KIAA0586: variants seen among roughly 807,000 people sequenced by gnomAD.
KIAA0586 encodes the protein protein TALPID3.
In KIAA0586, 144 loss-of-function variants were observed where a neutral mutation model predicts 169.8. That is an observed-to-expected ratio of 0.85 (90% CI 0.74 to 0.97). The LOEUF is 0.97. Ranked by LOEUF, KIAA0586 falls within the 50% of genes least tolerant of loss-of-function variation. The pLI is 0.00. For missense variants in KIAA0586, 1,854 were observed against 1,823.0 expected (o/e 1.02, Z -0.31); for synonymous variants, 625 against 612.4 (o/e 1.02, Z -0.30).
rs374564568 is a variant in KIAA0586 at position 58,438,030 on chromosome 14, A to G, written c.411-4676A>G. ...AAGTGTGATATGCTGCTCCGAGGTA[A>G]TGGAAGCTAAGTACTGAAAAATACA... On this transcript the variant is annotated intron_variant, in intron 4 of 30. Transcript: ENST00000652326. Among the ~76,000 whole-genome samples the G allele has an allele frequency of 3.0e-4, 45 of 152,318 alleles. No homozygotes were observed. In the South Asian group the frequency reaches 8.7e-3, roughly 29 times the overall value.
intron 28 of KIAA0586, among the ~76,000 whole-genome samples, chr14:58,511,520 C>T (rs558061718): frequency 9.0e-4 from 137 of 152,264 alleles, no homozygotes; most frequent in African/African-American, 3.1e-3. Flanking sequence ...AGCTCTTATT[C>T]GCTGTGAGTA....
chr14:58,515,003 T>C (rs1189596946), intron 29 of KIAA0586, among the ~76,000 whole-genome samples: 1 of 152,080 alleles, frequency 6.6e-6, no homozygotes, highest in Non-Finnish European at 1.5e-5. Flanking sequence ...TATAAAGTAA[T>C]GTATTAAAAT....
intron 26 of KIAA0586, 70 bp downstream of exon 26, chr14:58,492,345 T>C: frequency 7.2e-7 from 1 of 1,387,622 alleles, no homozygotes; most frequent in Non-Finnish European, 9.7e-7. Flanking sequence ...ATATTCTTAC[T>C]ACTAGTTAAA....
At chr14:58,498,525 TATTTA>T (rs1181598806) in intron 26 of KIAA0586, among the ~76,000 whole-genome samples, 1 of 152,200 alleles carries the variant, frequency 6.6e-6, no homozygotes, top group African/African-American at 2.4e-5. Context: ...ATTTTATTGC[TATTTA>T]ATTGGTGCTT....
intron 15 of KIAA0586, among the ~76,000 whole-genome samples, 169 bp downstream of exon 15, chr14:58,466,198 G>C (rs1034384330): frequency 3.9e-5 from 6 of 152,142 alleles, no homozygotes; most frequent in Non-Finnish European, 8.8e-5. Flanking sequence ...TTACAGGCGT[G>C]AGGCACCGTG....
intron 4 of KIAA0586, among the ~76,000 whole-genome samples, chr14:58,439,196 T>C (rs1471290728): frequency 6.6e-6 from 1 of 150,480 alleles, no homozygotes; most frequent in African/African-American, 2.5e-5. Flanking sequence ...TTTTTCTTTC[T>C]TTTTTTTTGA....
intron 29 of KIAA0586, among the ~76,000 whole-genome samples, chr14:58,517,665 G>T (rs541648895): frequency 6.6e-6 from 1 of 152,204 alleles, no homozygotes; most frequent in South Asian, 2.1e-4. Flanking sequence ...CACAAAACCT[G>T]TACTCAAAAC....
rs767722181 is a variant in KIAA0586 at position 58,482,532 on chromosome 14, C to T, written c.2964C>T (p.Gly988=). ...TTTTAGTGGAAGGAACAAGCAGTGG[C>T]GCCCTCCAGCTTTTTGTTGATGCTG... ...TSDIVEGTSS[G]ALQLFVDAGV... The change falls in exon 21 of 31, where the codon GGC becomes GGT. Residue 988 remains glycine (G), a synonymous_variant. Coordinates refer to ENST00000652326, the MANE Select transcript of KIAA0586 (RefSeq NM_001329943.3). 8.7e-5 allele frequency: 134 copies of T among 1,536,250 alleles called. No homozygotes were observed. Among genetic ancestry groups the T allele is most frequent in the Non-Finnish European group, 9.1e-5 (103 of 1,138,114 alleles).
At chr14:58,481,784 A>G (rs1346281658) in intron 20 of KIAA0586, among the ~76,000 whole-genome samples, 2 of 32,868 alleles carry the variant, frequency 6.1e-5, no homozygotes, top group African/African-American at 2.4e-4. Context: ...ACCCACCCCC[A>G]TACACGTATA....
rs540046520 is a variant in KIAA0586, at chr14:58,465,395, CATT to C, written c.2060-439_2060-437del. ...TGGAAAAAAATTTAAAGAATTCAAA[CATT>C]GTTGGAATATTCTTCAGAATCTTTA... On this transcript the variant is annotated intron_variant, in intron 14 of 30. Transcript: ENST00000652326. Among the ~76,000 whole-genome samples, 29 of 152,242 alleles carry C rather than the reference CATT, an allele frequency of 1.9e-4. 1 individual carries two copies. The highest frequency in any genetic ancestry group is 7.0e-4 in the African/African-American group (29 of 41,538).
chr14:58,480,727 G>A (rs2041976916), intron 20 of KIAA0586, among the ~76,000 whole-genome samples: 1 of 152,048 alleles, frequency 6.6e-6, no homozygotes, highest in Admixed American at 6.6e-5. Flanking sequence ...CTATATCCCA[G>A]CTTCATAGAG....
chr14:58,545,054 G>T (rs1045562867), intron 30 of KIAA0586, among the ~76,000 whole-genome samples: 1 of 152,114 alleles, frequency 6.6e-6, no homozygotes, highest in African/African-American at 2.4e-5. Context: ...TGAGGATGAG[G>T]ACTCTGTCTT....
chr14:58,457,800 A>G lies in KIAA0586; in HGVS notation c.1404A>G (p.Pro468=), dbSNP rs1273708402. 6.2e-7 allele frequency: 1 copy of G among 1,606,596 alleles called. No homozygotes were observed. The highest frequency in any genetic ancestry group is 1.1e-5 in the South Asian group (1 of 89,728). Residue 468 remains proline (P), a synonymous_variant, in exon 11 of 31, where the codon CCA becomes CCG. Coordinates refer to ENST00000652326, the MANE Select transcript of KIAA0586 (RefSeq NM_001329943.3). ...SLSMLKLPDL[P]QNSVKLQTTN... ...GTATGTTGAAGCTTCCAGATCTTCC[A>G]CAGAATTCTGTTAAGCTTCAAACAA...
At chr14:58,543,141 A>G (rs1451904632) in intron 30 of KIAA0586, among the ~76,000 whole-genome samples, 2 of 151,388 alleles carry the variant, frequency 1.3e-5, no homozygotes, top group Non-Finnish European at 2.9e-5. Flanking sequence ...CAAAAAAAAA[A>G]AAAAAAGAAA....
chr14:58,487,206 A>C (rs966261167), intron 22 of KIAA0586, 40 bp downstream of exon 22: 7 of 1,529,208 alleles, frequency 4.6e-6, no homozygotes, highest in Non-Finnish European at 6.3e-6. Context: ...TAATTTTAGC[A>C]ACTATTAAAT....
chr14:58,449,875 A>G (rs1248157108), intron 7 of KIAA0586, among the ~76,000 whole-genome samples: 1 of 151,946 alleles, frequency 6.6e-6, no homozygotes, highest in Admixed American at 6.5e-5. Flanking sequence ...AGTAACAAAT[A>G]AAAGAAAATA....
At chr14:58,531,337 A>AT (rs1315585778) in intron 29 of KIAA0586, among the ~76,000 whole-genome samples, 36 of 147,466 alleles carry the variant, frequency 2.4e-4, no homozygotes, top group African/African-American at 9.5e-4. Flanking sequence ...AAAAAAAAAA[A>AT]AAAATAAAAT....
intron 29 of KIAA0586, chr14:58,521,101 C>T (rs2045185744): frequency 2.2e-6 from 1 of 449,914 alleles, no homozygotes; most frequent in African/African-American, 2.0e-5. Context: ...GTTGGCTTCT[C>T]CACATAGTAC....
At chr14:58,508,932 TA>T (rs1375484703) in intron 28 of KIAA0586, among the ~76,000 whole-genome samples, 1 of 152,184 alleles carries the variant, frequency 6.6e-6, no homozygotes, top group African/African-American at 2.4e-5. Context: ...ATCTTTAAAT[TA>T]AAGAATAAAA....
Sources: allele counts gnomAD v4.1 joint callset (sites outside exome capture counted in the v4.1 genomes callset), GRCh38; gene constraint gnomAD v4.1.1; transcripts MANE v1.5; gene names NCBI Gene and HGNC (gene_info 2026-07-23, HGNC 2026-07-21).